The following OMA1 variants were observed in gnomAD, a reference collection of about 807,000 sequenced individuals.
OMA1 encodes the protein metalloendopeptidase OMA1, mitochondrial.
A neutral mutation model predicts 30.9 loss-of-function variants in OMA1; 38 were observed. The observed-to-expected ratio is 1.23, with a 90% CI of 0.95 to 1.61. The LOEUF (loss-of-function observed/expected upper bound fraction) is 1.61. Among genes scored for constraint, OMA1 ranks in the 40% most tolerant of loss-of-function variants. OMA1 has a pLI of 0.00. For missense variants in OMA1, 461 were observed against 349.2 expected (o/e 1.32, Z -2.55); for synonymous variants, 173 against 121.9 (o/e 1.42, Z -2.76).
chr1:58,518,277 G>GGAGAA (rs1278778501), intron 7 of OMA1, among the ~76,000 whole-genome samples: 6 of 2,402 alleles, frequency 2.5e-3, no homozygotes, highest in African/African-American at 0.011. Flanking sequence ...AGAGAGGAGA[G>GGAGAA]GAGAAGAGAA....
chr1:58,515,893 T>C (rs1310992621), intron 7 of OMA1, among the ~76,000 whole-genome samples: 1 of 152,248 alleles, frequency 6.6e-6, no homozygotes, highest in Non-Finnish European at 1.5e-5. Flanking sequence ...TAAAAGTCTA[T>C]GATTCTACAA....
chr1:58,524,508 CACATA>C (rs971369903), intron 7 of OMA1, among the ~76,000 whole-genome samples: 1 of 152,156 alleles, frequency 6.6e-6, no homozygotes, highest in Non-Finnish European at 1.5e-5. Context: ...ATCCTGCACC[CACATA>C]AAAGGTGCAT....
At chr1:58,531,740 T>G (rs1646437416) in intron 5 of OMA1, among the ~76,000 whole-genome samples, 1 of 151,934 alleles carries the variant, frequency 6.6e-6, no homozygotes, top group African/African-American at 2.4e-5. Flanking sequence ...GACAGAGTCT[T>G]GCCCTGTTGC....
chr1:58,542,715 T>C (rs1237648845), intron 1 of OMA1, among the ~76,000 whole-genome samples: 2 of 152,210 alleles, frequency 1.3e-5, no homozygotes, highest in African/African-American at 4.8e-5. Context: ...TTTACTGTAG[T>C]AGATAAGCTT....
At chr1:58,504,343 T>C (rs1023797157) in intron 8 of OMA1, among the ~76,000 whole-genome samples, 10 of 152,206 alleles carry the variant, frequency 6.6e-5, no homozygotes, top group African/African-American at 1.7e-4. Context: ...TTAGGTTCTC[T>C]GCATCAGCTG....
At chr1:58,491,695 C>G (rs557524563) in intron 8 of OMA1, among the ~76,000 whole-genome samples, 1 of 152,060 alleles carries the variant, frequency 6.6e-6, no homozygotes, top group East Asian at 1.9e-4. Flanking sequence ...TAAAGGGATC[C>G]ATTCAACAAG....
At chr1:58,483,413 G>A (rs1056846113) in intron 8 of OMA1, among the ~76,000 whole-genome samples, 1 of 152,166 alleles carries the variant, frequency 6.6e-6, no homozygotes, top group Non-Finnish European at 1.5e-5. Flanking sequence ...TAAGTGAATG[G>A]GGTCAGGGCA....
intron 1 of OMA1, among the ~76,000 whole-genome samples, chr1:58,546,404 G>A (rs903799732): frequency 6.2e-4 from 95 of 152,160 alleles, no homozygotes; most frequent in African/African-American, 2.2e-3. Context: ...GTACTGCCAC[G>A]GGGCAGACAC....
At chr1:58,534,659 G>C (rs988588946) in intron 3 of OMA1, among the ~76,000 whole-genome samples, 1 of 152,202 alleles carries the variant, frequency 6.6e-6, no homozygotes, top group Non-Finnish European at 1.5e-5. Context: ...CTAGGCCAGG[G>C]CAAGATGGCT....
At chr1:58,497,417 T>C (rs1049769309) in intron 8 of OMA1, among the ~76,000 whole-genome samples, 4 of 152,166 alleles carry the variant, frequency 2.6e-5, no homozygotes, top group African/African-American at 9.7e-5. Context: ...TTAGGCATGA[T>C]AATGTTATGA....
intron 8 of OMA1, among the ~76,000 whole-genome samples, chr1:58,504,684 G>A (rs146431102): frequency 2.6e-5 from 4 of 152,176 alleles, no homozygotes; most frequent in Non-Finnish European, 4.4e-5. Flanking sequence ...AATAAATATC[G>A]ATCTACCTAA....
chr1:58,527,795 T>A (rs923304870), intron 6 of OMA1, among the ~76,000 whole-genome samples: 2 of 152,228 alleles, frequency 1.3e-5, no homozygotes, highest in Middle Eastern at 3.2e-3. Context: ...AGCAGAATGC[T>A]CTTTCTTTGA....
chr1:58,540,076 A>G (rs933548547), intron 1 of OMA1, among the ~76,000 whole-genome samples: 2 of 152,206 alleles, frequency 1.3e-5, no homozygotes, highest in Non-Finnish European at 2.9e-5. Context: ...TACAGGGCTC[A>G]CACAGGGCAT....
intron 8 of OMA1, among the ~76,000 whole-genome samples, chr1:58,499,990 G>A (rs550895887): frequency 6.6e-6 from 1 of 152,144 alleles, no homozygotes; most frequent in South Asian, 2.1e-4. Context: ...AAAAATTAAT[G>A]CCAGAGAGTC....
intron 8 of OMA1, among the ~76,000 whole-genome samples, chr1:58,490,795 CTTTTTTTTTTTTTT>C (rs148145860): frequency 0.027 from 1,629 of 59,400 alleles, 54 homozygotes; most frequent in African/African-American, 0.097. Context: ...AGTCAACATT[CTTTTTTTTTTTTTT>C]TTTTTTTTTT....
chr1:58,511,905 G>T (rs1380418565), intron 7 of OMA1, among the ~76,000 whole-genome samples: 1 of 152,038 alleles, frequency 6.6e-6, no homozygotes, highest in African/African-American at 2.4e-5. Flanking sequence ...GAAACAAAAG[G>T]CAAAAATAGA....
At chr1:58,499,477 T>TATAGATAGATAAATAGATAG (rs1645863694) in intron 8 of OMA1, among the ~76,000 whole-genome samples, 6 of 143,768 alleles carry the variant, frequency 4.2e-5, no homozygotes, top group African/African-American at 1.6e-4. Context: ...AAAGCCAGAC[T>TATAGATAGATAAATAGATAG]ATAGATAGAT....
chr1:58,519,036 C>G (rs1374592191), intron 7 of OMA1, among the ~76,000 whole-genome samples: 1 of 152,154 alleles, frequency 6.6e-6, no homozygotes, highest in Non-Finnish European at 1.5e-5. Context: ...TATCTCTACA[C>G]TTATTGCTCG....
Position 58,534,318 on chromosome 1 carries a change from A to C in OMA1, c.743T>G (p.Phe248Cys), listed in dbSNP as rs1448923830. Residue 248 changes from phenylalanine to cysteine, a missense_variant, in exon 4 of 9, where the codon TTT becomes TGT. Coordinates refer to ENST00000371226, the MANE Select transcript of OMA1 (RefSeq NM_145243.5). The stretch of plus-strand genomic sequence containing the variant: ...TTTCTCAGTTAGCATATCATTTTTA[A>C]ATTCTTCCATCCACTGAAAGATTAA... Reference protein sequence around the residue: ...ELEYEAWMEEFKNDMLTEKDA... With the variant: ...ELEYEAWMEECKNDMLTEKDA... The C allele has an allele frequency of 4.7e-6, 4 of 853,558 alleles. No homozygotes were observed. The highest frequency in any genetic ancestry group is 3.8e-5 in the Admixed American group (2 of 53,092). 52.9% of individuals were successfully genotyped at this position (853,558 alleles called of 1,614,324 possible).
Sources: allele counts gnomAD v4.1 joint callset (sites outside exome capture counted in the v4.1 genomes callset), GRCh38; gene constraint gnomAD v4.1.1; transcripts MANE v1.5; gene names NCBI Gene and HGNC (gene_info 2026-07-23, HGNC 2026-07-21).